Variants in LOC400499 observed in about 807,000 individuals in gnomAD.
the LOC400499 span, chr16:11,412,908 G>A: frequency 3.0e-5 from 12 of 399,016 alleles, no homozygotes; most frequent in African/African-American, 1.8e-4. Context: ...GTCAGCTGCA[G>A]TGAGGAGCTC....
the LOC400499 span, among the ~76,000 whole-genome samples, chr16:11,382,442 C>A: frequency 6.6e-6 from 1 of 152,210 alleles, no homozygotes; most frequent in Non-Finnish European, 1.5e-5. Flanking sequence ...GGGAATCATA[C>A]GCAGCACTGG....
At chr16:11,522,967 A>G in the LOC400499 span, among the ~76,000 whole-genome samples, 1 of 152,092 alleles carries the variant, frequency 6.6e-6, no homozygotes, top group Non-Finnish European at 1.5e-5. Flanking sequence ...TAATTATAAC[A>G]TCTCACCCCT....
the LOC400499 span, among the ~76,000 whole-genome samples, chr16:11,429,663 G>A: frequency 6.6e-6 from 1 of 151,972 alleles, no homozygotes; most frequent in Non-Finnish European, 1.5e-5. Context: ...CAGTAGCGAC[G>A]GGGTTTCACC....
the LOC400499 span, chr16:11,424,105 T>C: frequency 5.0e-6 from 2 of 399,170 alleles, no homozygotes; most frequent in Non-Finnish European, 8.8e-6. Flanking sequence ...CCCTCCTCAC[T>C]CACCTGGAAG....
the LOC400499 span, among the ~76,000 whole-genome samples, chr16:11,486,789 G>C: frequency 1.3e-5 from 1 of 74,206 alleles, no homozygotes; most frequent in Non-Finnish European, 2.7e-5. Context: ...GTGGGTGGGT[G>C]GGTGGTTGGA....
At chr16:11,413,487 G>A in the LOC400499 span, among the ~76,000 whole-genome samples, 369 of 152,276 alleles carry the variant, frequency 2.4e-3, no homozygotes, top group African/African-American at 8.4e-3. Flanking sequence ...TGGAGAAGGA[G>A]GGCCCAGCCA....
the LOC400499 span, chr16:11,477,829 G>A: frequency 2.5e-6 from 1 of 398,948 alleles, no homozygotes; most frequent in Non-Finnish European, 4.4e-6. Context: ...ACCTGGGCTT[G>A]ACATAACCAT....
the LOC400499 span, among the ~76,000 whole-genome samples, chr16:11,465,080 G>A: frequency 1.3e-5 from 2 of 152,214 alleles, no homozygotes; most frequent in South Asian, 2.1e-4. Context: ...AGAAGACACT[G>A]GAAACTGAGG....
the LOC400499 span, among the ~76,000 whole-genome samples, chr16:11,464,820 C>A: frequency 1.6e-4 from 25 of 152,288 alleles, no homozygotes; most frequent in Non-Finnish European, 2.6e-4. Flanking sequence ...GCAGGAAGAT[C>A]CACGGGGAGG....
chr16:11,485,605 C>T, the LOC400499 span, among the ~76,000 whole-genome samples: 49 of 152,330 alleles, frequency 3.2e-4, no homozygotes, highest in African/African-American at 1.1e-3. Flanking sequence ...ATCCTTCCCA[C>T]GCATCCATCC....
At chr16:11,406,014 C>G in the LOC400499 span, among the ~76,000 whole-genome samples, 2 of 152,142 alleles carry the variant, frequency 1.3e-5, no homozygotes, top group Admixed American at 6.5e-5. Context: ...CTGGAATACT[C>G]TTTTTAAAAA....
the LOC400499 span, among the ~76,000 whole-genome samples, chr16:11,501,628 C>G: frequency 6.6e-6 from 1 of 152,018 alleles, no homozygotes; most frequent in Non-Finnish European, 1.5e-5. Context: ...TCAGAGATTC[C>G]CCTCTGAGAT....
the LOC400499 span, chr16:11,396,428 TG>T: frequency 3.3e-6 from 4 of 1,198,150 alleles, no homozygotes; most frequent in East Asian, 3.2e-5. Flanking sequence ...CCCAGGCAGT[TG>T]GGGGCCTGCT....
chr16:11,471,929 G>A, the LOC400499 span: 1 of 397,936 alleles, frequency 2.5e-6, no homozygotes. Context: ...AATTTCTTCT[G>A]AGGAAAGGCA....
chr16:11,491,379 T>C, the LOC400499 span, among the ~76,000 whole-genome samples: 1 of 152,176 alleles, frequency 6.6e-6, no homozygotes, highest in Non-Finnish European at 1.5e-5. Flanking sequence ...GGATACTGTG[T>C]CGTGATCTGG....
At chr16:11,445,421 CAAA>C in the LOC400499 span, among the ~76,000 whole-genome samples, 2 of 136,214 alleles carry the variant, frequency 1.5e-5, no homozygotes, top group Admixed American at 7.4e-5. Context: ...ACTCTTTCTC[CAAA>C]AAAAAAAAAG....
the LOC400499 span, chr16:11,404,977 C>T: frequency 1.0e-5 from 4 of 397,358 alleles, no homozygotes; most frequent in South Asian, 4.1e-4. Context: ...GGATCATTTA[C>T]AGTTTCCTGA....
chr16:11,396,663 C>T, the LOC400499 span: 7 of 1,231,860 alleles, frequency 5.7e-6, no homozygotes, highest in African/African-American at 6.2e-5. Context: ...TGCTCCCCGA[C>T]GACCAAGAGG....
the LOC400499 span, among the ~76,000 whole-genome samples, chr16:11,475,917 G>A: frequency 6.6e-6 from 1 of 152,122 alleles, no homozygotes; most frequent in East Asian, 1.9e-4. Context: ...GACAAGTGCT[G>A]TGAGAAACCC....
Sources: gnomAD v4.1 joint callset for allele counts (sites outside exome capture counted in the v4.1 genomes callset) on GRCh38, gnomAD v4.1.1 for gene constraint, MANE v1.5 for transcripts.